The following ENAH variants were observed in gnomAD, a reference collection of about 807,000 sequenced individuals.
The protein encoded by ENAH is protein enabled homolog.
In ENAH, 23 loss-of-function variants were observed where a neutral mutation model predicts 78.7. The ratio of observed to expected loss-of-function variants is 0.29; its 90% CI spans 0.21 to 0.41. The LOEUF (loss-of-function observed/expected upper bound fraction) is 0.41. Among genes scored for constraint, ENAH ranks in the 10% least tolerant of loss-of-function variants. The pLI is 1.00. For missense variants in ENAH, 544 were observed against 691.0 expected (o/e 0.79, Z 2.39); for synonymous variants, 226 against 241.0 (o/e 0.94, Z 0.58).
chr1:225,651,218 A>AG (rs1662935834), intron 1 of ENAH, among the ~76,000 whole-genome samples: 1 of 152,110 alleles, frequency 6.6e-6, no homozygotes, highest in Non-Finnish European at 1.5e-5. Flanking sequence ...TCAAGGGAAA[A>AG]GGGGTCAGTC....
At chr1:225,529,710 A>C (rs886574675) in intron 4 of ENAH, among the ~76,000 whole-genome samples, 5 of 152,196 alleles carry the variant, frequency 3.3e-5, no homozygotes, top group African/African-American at 1.2e-4. Flanking sequence ...ACACATACTG[A>C]AGACGGTCAA....
chr1:225,550,567 T>C (rs1448867542), intron 3 of ENAH, among the ~76,000 whole-genome samples: 1 of 152,158 alleles, frequency 6.6e-6, no homozygotes, highest in Non-Finnish European at 1.5e-5. Context: ...TCCTATTAAT[T>C]CCAAACATAA....
At chr1:225,597,831 ACAT>A (rs1227919910) in intron 1 of ENAH, among the ~76,000 whole-genome samples, 1 of 152,184 alleles carries the variant, frequency 6.6e-6, no homozygotes, top group African/African-American at 2.4e-5. Context: ...GTCCATTCTA[ACAT>A]CATATTCTAC....
At chr1:225,649,254 T>C (rs1271975889) in intron 1 of ENAH, among the ~76,000 whole-genome samples, 1 of 152,132 alleles carries the variant, frequency 6.6e-6, no homozygotes, top group Non-Finnish European at 1.5e-5. Flanking sequence ...CTATACCTTT[T>C]TATATGAGAA....
At chr1:225,545,645 G>C (rs747032325) in intron 3 of ENAH, among the ~76,000 whole-genome samples, 8 of 152,128 alleles carry the variant, frequency 5.3e-5, no homozygotes, top group Non-Finnish European at 1.0e-4. Context: ...CAGACAGCTA[G>C]ATTATTTCAA....
At chr1:225,583,860 T>C (rs2096832170) in intron 1 of ENAH, among the ~76,000 whole-genome samples, 1 of 147,292 alleles carries the variant, frequency 6.8e-6, no homozygotes, top group Non-Finnish European at 1.5e-5. Flanking sequence ...GCATCAAAAA[T>C]GGTAAATGTA....
chr1:225,570,170 C>CAA (rs397937817), intron 1 of ENAH, among the ~76,000 whole-genome samples: 1,301 of 121,272 alleles, frequency 0.011, 11 homozygotes, highest in South Asian at 0.02. Flanking sequence ...TGCTCCATCT[C>CAA]AAAAAAAAAA....
At chr1:225,618,947 A>G (rs1656304077) in intron 1 of ENAH, among the ~76,000 whole-genome samples, 3 of 152,206 alleles carry the variant, frequency 2.0e-5, no homozygotes, top group African/African-American at 7.2e-5. Context: ...ATAGGAGGGC[A>G]AAAGGTTAAA....
At chr1:225,525,816 T>A (rs2096499627) in intron 4 of ENAH, among the ~76,000 whole-genome samples, 1 of 152,120 alleles carries the variant, frequency 6.6e-6, no homozygotes, top group African/African-American at 2.4e-5. Flanking sequence ...CCACCACCCC[T>A]TACCAAGCAT....
intron 7 of ENAH, among the ~76,000 whole-genome samples, chr1:225,513,865 G>C (rs2151126238): frequency 6.6e-6 from 1 of 152,128 alleles, no homozygotes; most frequent in African/African-American, 2.4e-5. Flanking sequence ...GGTGGTGGGT[G>C]CCTGTAATCC....
chr1:225,619,418 C>G (rs909523558), intron 1 of ENAH, among the ~76,000 whole-genome samples: 1 of 152,158 alleles, frequency 6.6e-6, no homozygotes, highest in East Asian at 1.9e-4. Context: ...GTGGCAAGCA[C>G]CTGTAGTCCC....
At chr1:225,603,262 TTATATG>T (rs1184256006) in intron 1 of ENAH, among the ~76,000 whole-genome samples, 1 of 152,110 alleles carries the variant, frequency 6.6e-6, no homozygotes. Flanking sequence ...ATATTTAGAA[TTATATG>T]TATAACTTCT....
At chr1:225,590,634 A>C (rs1160049602) in intron 1 of ENAH, among the ~76,000 whole-genome samples, 1 of 151,886 alleles carries the variant, frequency 6.6e-6, no homozygotes, top group African/African-American at 2.4e-5. Context: ...CCAAAACCAT[A>C]CTGTCTGGCC....
chr1:225,530,338 A>G (rs2096532039), intron 4 of ENAH, among the ~76,000 whole-genome samples: 1 of 152,184 alleles, frequency 6.6e-6, no homozygotes, highest in African/African-American at 2.4e-5. Context: ...TATAATTTTT[A>G]CAAAAAAAAA....
At chr1:225,615,671 G>A (rs2097024935) in intron 1 of ENAH, among the ~76,000 whole-genome samples, 2 of 151,410 alleles carry the variant, frequency 1.3e-5, no homozygotes, top group South Asian at 4.2e-4. Flanking sequence ...TCTGGGATGT[G>A]AGGAGCGCCT....
intron 12 of ENAH, 137 bp downstream of exon 12, chr1:225,500,855 G>T: frequency 2.5e-6 from 2 of 792,094 alleles, no homozygotes; most frequent in South Asian, 2.0e-5. Context: ...TACTACTAAT[G>T]CCACTGTTTA....
chr1:225,642,157 C>T lies in ENAH; in HGVS notation c.5+10529G>A, dbSNP rs570546538. Among the ~76,000 whole-genome samples, 11 of 149,114 alleles carry T rather than the reference C, an allele frequency of 7.4e-5. No homozygotes were observed. The South Asian group carries it at 1.5e-3, about 20-fold the overall frequency. ...CAGAGGTTGCAGTGAGCCGAAATCG[C>T]ATGACTGCACACACTCCAGCCTGGG... On this transcript the variant is annotated intron_variant, in intron 1 of 13. Transcript: ENST00000366843.
chr1:225,566,547 C>T (rs2096735919), intron 2 of ENAH, among the ~76,000 whole-genome samples: 1 of 152,194 alleles, frequency 6.6e-6, no homozygotes, highest in South Asian at 2.1e-4. Context: ...TTGATTCCAA[C>T]ATCTTTGGTA....
chr1:225,600,734 C>T (rs574524669), intron 1 of ENAH, among the ~76,000 whole-genome samples: 83 of 151,994 alleles, frequency 5.5e-4, no homozygotes, highest in African/African-American at 2.0e-3. Context: ...GGTGTGCGCC[C>T]GGAGTCCCAG....
Sources: allele counts gnomAD v4.1 joint callset (sites outside exome capture counted in the v4.1 genomes callset), GRCh38; gene constraint gnomAD v4.1.1; transcripts MANE v1.5; gene names NCBI Gene and HGNC (gene_info 2026-07-23, HGNC 2026-07-21).